Variants in SRRM2 observed in about 807,000 individuals in gnomAD.
SRRM2 encodes serine/arginine repetitive matrix 2.
A neutral mutation model predicts 213.8 loss-of-function variants in SRRM2; 30 were observed. That is an observed-to-expected ratio of 0.14 (90% CI 0.10 to 0.19). The LOEUF (loss-of-function observed/expected upper bound fraction) is 0.19, where lower values mean the gene tolerates loss of function less well. Among genes scored for constraint, SRRM2 ranks in the 10% least tolerant of loss-of-function variants. The pLI, the probability that SRRM2 is intolerant of heterozygous loss-of-function variation, is 1.00. For missense variants in SRRM2, 4,904 were observed against 3,647.0 expected, an observed-to-expected ratio of 1.34 and a Z score of -8.88; for synonymous variants, 2,025 against 1,377.7, an observed-to-expected ratio of 1.47 and a Z score of -10.40.
intron 4 of SRRM2, 70 bp from the exon 5 acceptor site, chr16:2,758,400 C>CT (rs1298094869): frequency 1.4e-5 from 18 of 1,328,748 alleles, no homozygotes; most frequent in Non-Finnish European, 1.5e-5. Context: ...TTTTTAGACT[C>CT]TGTCTTTTAA....
In SRRM2 at chr16:2,764,665, T is replaced by G; in HGVS notation, c.4137T>G (p.Ser1379=). 6.2e-7 allele frequency: 1 copy of G among 1,614,154 alleles called. No homozygotes were observed. Among genetic ancestry groups the G allele is most frequent in the Non-Finnish European group, 8.5e-7 (1 of 1,180,044 alleles). ...LDMKEQSTRS[S]GHSSSELSPD... The stretch of plus-strand genomic sequence containing the variant: ...TGAAAGAACAATCGACAAGATCCTC[T>G]GGACACAGCAGTTCTGAGTTATCCC... The change falls in exon 11 of 15, where the codon TCT becomes TCG. Residue 1379 remains serine, a synonymous_variant. Transcript: ENST00000301740.
rs2150773081 is a variant in SRRM2, at chr16:2,758,990, C to T, written c.599C>T (p.Ser200Leu). 1 of 1,614,052 alleles carries T rather than the reference C, an allele frequency of 6.2e-7. No individual in the cohort carries two copies. Among genetic ancestry groups the T allele is most frequent in the East Asian group, 2.2e-5 (1 of 44,884 alleles). Residue 200 changes from serine (S) to leucine (L), a missense_variant, in exon 6 of 15, where the codon TCA (serine) becomes TTA (leucine). Coordinates refer to ENST00000301740, the MANE Select transcript of SRRM2 (RefSeq NM_016333.4). Reference protein sequence around the residue: ...KKKKKDRGRRSESSSPRRERK... With the variant: ...KKKKKDRGRRLESSSPRRERK... ...GCTTTTGAATCCATCTTTAGCAGGT[C>T]AGAGAGCAGCTCTCCTCGACGGGAG...
chr16:2,757,784 C>T lies in SRRM2; in HGVS notation c.354C>T (p.Val118=). 2 of 1,613,962 alleles carry T rather than the reference C, an allele frequency of 1.2e-6. No homozygotes were observed. Among genetic ancestry groups the T allele is most frequent in the Non-Finnish European group, 8.5e-7 (1 of 1,179,938 alleles). Residue 118 remains valine (V), a synonymous_variant, in exon 4 of 15, where the codon GTC becomes GTT. Transcript: ENST00000301740. Reference sequence around the variant, plus strand: ...CTTTTGCCCTTCTTTTCTCTAGGGTCACGGAGACTCACCAGTTGGCAGAAT... The same window carrying T: ...CTTTTGCCCTTCTTTTCTCTAGGGTTACGGAGACTCACCAGTTGGCAGAAT... ...KEETPGQRPA[V]TETHQLAELN...
chr16:2,769,795 T>A, intron 12 of SRRM2: 2 of 465,994 alleles, frequency 4.3e-6, no homozygotes, highest in Non-Finnish European at 8.5e-6. Flanking sequence ...GTGAGGCTCT[T>A]CACCAACGGG....
At position 2,761,833 on chromosome 16, in the gene SRRM2, C is replaced by G. The variant is rs970791762; in HGVS notation, c.1305C>G (p.Ser435Arg). The G allele has an allele frequency of 1.9e-6, 3 of 1,613,732 alleles. No homozygotes were observed. The highest frequency in any genetic ancestry group is 2.5e-6 in the Non-Finnish European group (3 of 1,180,034). ...CTACCAAAGTTTCTCGGCATGCCAG[C>G]TCTTCCCCAGAAAGTCCTAAACCTG... The part of the protein sequence containing the change: ...PQPTKVSRHA[S>R]SSPESPKPAP... The change falls in exon 11 of 15, where the codon AGC (serine) becomes AGG (arginine). Residue 435 changes from serine (S) to arginine (R), a missense_variant. Transcript: ENST00000301740.
intron 11 of SRRM2, chr16:2,768,704 A>G (rs2068629335): frequency 1.4e-6 from 1 of 690,364 alleles, no homozygotes; most frequent in African/African-American, 1.8e-5. Context: ...GAAGGAGACT[A>G]CCCAGCTTCA....
rs752300769 is a variant in SRRM2 at position 2,766,460 on chromosome 16, A to C, written c.5932A>C (p.Thr1978Pro). The C allele has an allele frequency of 6.2e-7, 1 of 1,613,918 alleles. No individual in the cohort carries two copies. The highest frequency in any genetic ancestry group is 1.3e-5 in the African/African-American group (1 of 74,940). Reference protein sequence around the residue: ...RRSRSRTSPITRRRSRSRTSP... With the variant: ...RRSRSRTSPIPRRRSRSRTSP... ...ATCTCGAAGCAGAACTTCGCCTATC[A>C]CTCGCAGAAGATCAAGATCCAGAAC... The change falls in exon 11 of 15, where the codon ACT (threonine) becomes CCT (proline). Residue 1978 changes from threonine (T) to proline (P), a missense_variant. Transcript: ENST00000301740. The surrounding 1 kb of genome is among the most constrained non-coding windows in gnomAD (Gnocchi z 7.0).
intron 12 of SRRM2, 172 bp downstream of exon 12, chr16:2,769,456 G>A (rs1259558212): frequency 1.3e-5 from 10 of 772,234 alleles, no homozygotes; most frequent in African/African-American, 5.2e-5. Context: ...CTGTTCTGGC[G>A]AAGGGCTGCG....
chr16:2,769,002 C>G lies in SRRM2; in HGVS notation c.7739C>G (p.Pro2580Arg), dbSNP rs760467876. The G allele has an allele frequency of 1.2e-6, 2 of 1,613,376 alleles. No homozygotes were observed. Among genetic ancestry groups the G allele is most frequent in the South Asian group, 1.1e-5 (1 of 91,018 alleles). Residue 2580 changes from proline to arginine, a missense_variant, in exon 12 of 15, where the codon CCC becomes CGC. By Grantham distance (103) the Pro-to-Arg change is moderately radical. Transcript: ENST00000301740. ...ACACTCCTCTCCTCCCACAGGGTCC[C>G]CAGCCCCACCCCAGCCCCAAAGGAG... ...VQPEVALKRV[P>R]SPTPAPKEAV...
chr16:2,759,941 G>T, intron 9 of SRRM2: 1 of 541,466 alleles, frequency 1.8e-6, no homozygotes, highest in Non-Finnish European at 3.3e-6. Flanking sequence ...TGGTGTCTGG[G>T]GGAGGAAGGA....
In SRRM2 at chr16:2,761,921, G is replaced by A. The variant is rs199791101; in HGVS notation, c.1393G>A (p.Gly465Ser). ...SSPTSKNRSH[G>S]RAKRDKSHSH... ...TCCCACATCTAAGAATCGCTCACAT[G>A]GCCGAGCAAAACGGGATAAATCACA... The change falls in exon 11 of 15, where the codon GGC becomes AGC. Residue 465 changes from glycine (G) to serine (S), a missense_variant. Gly to Ser is a moderately conservative substitution (Grantham distance 56, BLOSUM62 0). Coordinates refer to ENST00000301740, the MANE Select transcript of SRRM2 (RefSeq NM_016333.4). 1 of 1,613,608 alleles carries A rather than the reference G, an allele frequency of 6.2e-7. No homozygotes were observed. Among genetic ancestry groups the A allele is most frequent in the Non-Finnish European group, 8.5e-7 (1 of 1,179,978 alleles).
intron 3 of SRRM2, 42 bp from the exon 4 acceptor site, chr16:2,757,739 T>C: frequency 6.2e-7 from 1 of 1,609,544 alleles, no homozygotes; most frequent in Non-Finnish European, 8.5e-7. Context: ...TATGGCTCTG[T>C]CCTTTATATT....
chr16:2,759,672 G>A lies in SRRM2; in HGVS notation c.833+11G>A, dbSNP rs753013398. ...TACTTCCCGCAGTCGGTAAGGGGTA[G>A]TCCAGGAGGAAGGGAGGGAGAGGGA... On this transcript the variant is annotated intron_variant, in intron 9 of 14. Coordinates refer to ENST00000301740, the MANE Select transcript of SRRM2 (RefSeq NM_016333.4). 1.2e-6 allele frequency: 2 copies of A among 1,610,892 alleles called. No homozygotes were observed. Among genetic ancestry groups the A allele is most frequent in the South Asian group, 1.1e-5 (1 of 91,024 alleles).
intron 10 of SRRM2, among the ~76,000 whole-genome samples, chr16:2,761,201 A>G (rs970143734): frequency 6.6e-6 from 1 of 152,184 alleles, no homozygotes; most frequent in Non-Finnish European, 1.5e-5. Context: ...TTTTCGTTTA[A>G]TAGAGTTATT....
rs747397327 is a variant in SRRM2, at chr16:2,763,806, C to T, written c.3278C>T (p.Ser1093Leu). The T allele has an allele frequency of 6.2e-7, 1 of 1,614,180 alleles. No individual in the cohort carries two copies. Among genetic ancestry groups the T allele is most frequent in the Non-Finnish European group, 8.5e-7 (1 of 1,180,036 alleles). Residue 1093 changes from serine to leucine, a missense_variant, in exon 11 of 15, where the codon TCA becomes TTA. By Grantham distance (145) the Ser-to-Leu change is moderately radical. Transcript: ENST00000301740. The stretch of plus-strand genomic sequence containing the variant: ...TCTCTGCAGAGCAAATCTCAAACAT[C>T]ACCTAAGGGAGGTCGGTCCAGGTCT... ...SPSLQSKSQT[S>L]PKGGRSRSSS...
Position 2,769,159 on chromosome 16 carries a change from C to G in SRRM2, c.7896C>G (p.Ser2632=), listed in dbSNP as rs1411827189. The G allele has an allele frequency of 6.2e-7, 1 of 1,610,230 alleles. No individual in the cohort carries two copies. The highest frequency in any genetic ancestry group is 2.2e-5 in the East Asian group (1 of 44,840). The change falls in exon 12 of 15, where the codon TCC becomes TCG. Residue 2632 remains serine, a synonymous_variant. Transcript: ENST00000301740. ...SSSSSSSSSS[S]SSSSSSSSSS... ...CCTCCTCTTCTTCCTCCTCCTCTTC[C>G]TCTTCTTCTTCTTCCTCCTCATCTT...
intron 10 of SRRM2, 46 bp downstream of exon 10, chr16:2,760,545 AT>A: frequency 5.6e-6 from 9 of 1,600,886 alleles, no homozygotes; most frequent in Non-Finnish European, 7.7e-6. Flanking sequence ...AAATGTATAG[AT>A]TTAGGATAGA....
At chr16:2,757,707 C>A (rs192353653) in intron 3 of SRRM2, 74 bp from the exon 4 acceptor site, 6 of 1,584,006 alleles carry the variant, frequency 3.8e-6, no homozygotes, top group Non-Finnish European at 5.2e-6. Flanking sequence ...TATTTGGCTC[C>A]TGCTTATACT....
rs776206659 is a variant in SRRM2 at position 2,765,012 on chromosome 16, C to T, written c.4484C>T (p.Pro1495Leu). ...AAAGCTTTGCCTCAGACTCCTAGGC[C>T]GAGGAGTCGTTCTCCATCATCCCCA... ...EPKALPQTPRPRSRSPSSPEL... is the reference protein window; with the variant it reads ...EPKALPQTPRLRSRSPSSPEL... Residue 1495 changes from proline to leucine, a missense_variant, in exon 11 of 15, where the codon CCG becomes CTG. Pro to Leu is a moderately conservative substitution (Grantham distance 98). Coordinates refer to ENST00000301740, the MANE Select transcript of SRRM2 (RefSeq NM_016333.4). 18 of 1,613,958 alleles carry T rather than the reference C, an allele frequency of 1.1e-5. No individual in the cohort carries two copies. The highest frequency in any genetic ancestry group is 1.6e-4 in the Middle Eastern group (1 of 6,062).
Sources: allele counts gnomAD v4.1 joint callset (sites outside exome capture counted in the v4.1 genomes callset), GRCh38; gene constraint gnomAD v4.1.1; non-coding constraint Gnocchi (gnomAD v3.1); transcripts MANE v1.5; gene names NCBI Gene and HGNC (gene_info 2026-07-23, HGNC 2026-07-21).